Variants in ABCC12 observed in about 807,000 individuals in gnomAD.
ABCC12 encodes ATP-binding cassette sub-family C member 12.
Under a neutral mutation model 151.1 loss-of-function variants are expected in ABCC12, and 142 were observed. The observed-to-expected ratio is 0.94, with a 90% CI of 0.82 to 1.08. The LOEUF (loss-of-function observed/expected upper bound fraction) is 1.08, where lower values mean the gene tolerates loss of function less well. Ranked by LOEUF, ABCC12 falls within the 50% of genes least tolerant of loss-of-function variation. The pLI is 0.00. For synonymous variants in ABCC12, 645 were observed against 646.4 expected (o/e 1.00, Z 0.03); for missense variants, 1,638 against 1,691.1 (o/e 0.97, Z 0.55).
chr16:48,141,430 C>T (rs778490102), intron 4 of ABCC12, 77 bp from the exon 5 acceptor site: 654 of 1,568,988 alleles, frequency 4.2e-4, no homozygotes, highest in Non-Finnish European at 5.3e-4. Context: ...TGGGCATGCT[C>T]TTGCAAGGGT....
At chr16:48,126,211 G>A (rs566970961) in intron 11 of ABCC12, among the ~76,000 whole-genome samples, 5 of 152,260 alleles carry the variant, frequency 3.3e-5, no homozygotes, top group African/African-American at 4.8e-5. Context: ...TAAAGAGACC[G>A]CAGATGTGAT....
chr16:48,096,242 C>T (rs1335720122), intron 24 of ABCC12, among the ~76,000 whole-genome samples: 1 of 152,224 alleles, frequency 6.6e-6, no homozygotes, highest in African/African-American at 2.4e-5. Flanking sequence ...TCACTCCCTC[C>T]ACTGTGGAGT....
rs776700757 is a variant in ABCC12 at position 48,088,753 on chromosome 16, A to G, written c.3286-19T>C. ...CACAGGTCTGTAAAGGAGAATAACC[A>G]ATGACCAGTGACTAGCCATTTGTTT... On this transcript the variant is annotated intron_variant, in intron 25 of 30. Coordinates refer to ENST00000311303, the MANE Select transcript of ABCC12 (RefSeq NM_001393797.1). 6.3e-7 allele frequency: 1 copy of G among 1,589,222 alleles called. No homozygotes were observed. The highest frequency in any genetic ancestry group is 8.6e-7 in the Non-Finnish European group (1 of 1,166,536).
intron 18 of ABCC12, among the ~76,000 whole-genome samples, chr16:48,109,041 C>T (rs896461125): frequency 3.3e-5 from 5 of 152,074 alleles, no homozygotes; most frequent in Admixed American, 6.6e-5. Flanking sequence ...GGGTGAAGGC[C>T]GCTCCCTGGA....
chr16:48,088,039 G>A lies in ABCC12; in HGVS notation c.3522C>T (p.Ala1174=). The change falls in exon 27 of 31, where the codon GCC becomes GCT. Residue 1174 remains alanine, a synonymous_variant. Coordinates refer to ENST00000311303, the MANE Select transcript of ABCC12 (RefSeq NM_001393797.1). ...CCTCATCAATAAAGATTGTGCCACT[G>A]GCTGGCTCCACCAGACGAAACAAAG... ...GMALFRLVEP[A]SGTIFIDEVD... 1.9e-6 allele frequency: 3 copies of A among 1,614,214 alleles called. No homozygotes were observed. The highest frequency in any genetic ancestry group is 2.5e-6 in the Non-Finnish European group (3 of 1,180,038).
At chr16:48,124,124 C>T (rs1258030737) in intron 12 of ABCC12, 89 bp downstream of exon 12, 4 of 1,373,504 alleles carry the variant, frequency 2.9e-6, no homozygotes, top group African/African-American at 1.4e-5. Flanking sequence ...GCAGCCGAGG[C>T]CATCTGCTGG....
chr16:48,139,443 A>T, intron 6 of ABCC12, 107 bp from the exon 7 acceptor site: 1 of 1,257,732 alleles, frequency 8.0e-7, no homozygotes, highest in East Asian at 2.4e-5. Context: ...AAGGAGAAAA[A>T]CTTCTCTAAA....
At chr16:48,139,867 A>G (rs995396282) in intron 6 of ABCC12, among the ~76,000 whole-genome samples, 3 of 152,168 alleles carry the variant, frequency 2.0e-5, no homozygotes, top group African/African-American at 7.2e-5. Context: ...ACCTGTCTGA[A>G]GCGTGGCTGG....
In ABCC12 at chr16:48,138,369, T is replaced by TA; in HGVS notation, c.837dup (p.Met280TyrfsTer25). On this transcript the variant is annotated frameshift_variant, in exon 8 of 31. Coordinates refer to ENST00000311303, the MANE Select transcript of ABCC12 (RefSeq NM_001393797.1). LOFTEE classifies it high-confidence loss of function. ...CGGAAAGCTGAATTGAGCTTGGCCA[T>TA]AAACATCTGAAATCAAGGTACAAAC... 6.2e-7 allele frequency: 1 copy of TA among 1,612,216 alleles called. No individual in the cohort carries two copies. Among genetic ancestry groups the TA allele is most frequent in the Non-Finnish European group, 8.5e-7 (1 of 1,178,580 alleles).
At chr16:48,131,751 C>T (rs1284570179) in intron 9 of ABCC12, among the ~76,000 whole-genome samples, 1 of 152,208 alleles carries the variant, frequency 6.6e-6, no homozygotes, top group Non-Finnish European at 1.5e-5. Context: ...AGTGATCCTG[C>T]CTGCTGTTAA....
chr16:48,136,570 A>G (rs1214989522), intron 8 of ABCC12, among the ~76,000 whole-genome samples: 1 of 152,242 alleles, frequency 6.6e-6, no homozygotes, highest in African/African-American at 2.4e-5. Flanking sequence ...CCAGTGGGAT[A>G]GATAGACAAG....
rs566970228 is a variant in ABCC12, at chr16:48,141,263, G to A, written c.366C>T (p.Arg122=). Residue 122 remains arginine, a synonymous_variant, in exon 5 of 31, where the codon CGC becomes CGT. Coordinates refer to ENST00000311303, the MANE Select transcript of ABCC12 (RefSeq NM_001393797.1). The part of the protein sequence containing the change: ...SHVVWKFQRT[R]VLMDIVANIL... ...TGTTGGCCACGATGTCCATCAACAC[G>A]CGTGTCCTCTGGAATTTCCACACCA... The A allele has an allele frequency of 7.6e-5, 122 of 1,614,200 alleles. No homozygotes were observed. Among genetic ancestry groups the A allele is most frequent in the South Asian group, 4.7e-4 (43 of 91,086 alleles).
At chr16:48,140,151 A>G (rs1167519155) in intron 6 of ABCC12, among the ~76,000 whole-genome samples, 2 of 152,106 alleles carry the variant, frequency 1.3e-5, no homozygotes, top group Non-Finnish European at 2.9e-5. Flanking sequence ...ATCTTACCCC[A>G]CACCACCTGG....
Position 48,105,298 on chromosome 16 carries a change from C to T in ABCC12, c.2514G>A (p.Glu838=). ...CGPQGNRTMC[E]VGAVLADIGQ... ...CGATGTCTGCCAGCACCGCGCCGAC[C>T]TCACACATGGTCCTGTTGCCCTGGG... The change falls in exon 21 of 31, where the codon GAG becomes GAA. Residue 838 remains glutamate, a synonymous_variant. Transcript: ENST00000311303. 1 of 1,613,350 alleles carries T rather than the reference C, an allele frequency of 6.2e-7. No individual in the cohort carries two copies.
chr16:48,110,336 T>C (rs1963642007), intron 18 of ABCC12, among the ~76,000 whole-genome samples: 1 of 151,984 alleles, frequency 6.6e-6, no homozygotes, highest in Admixed American at 6.6e-5. Flanking sequence ...TTCCAAGTGG[T>C]AGGTAAAATG....
chr16:48,155,025 C>T (rs776471627), intron 1 of ABCC12, among the ~76,000 whole-genome samples: 1 of 152,234 alleles, frequency 6.6e-6, no homozygotes, highest in Non-Finnish European at 1.5e-5. Context: ...CTGCCTGCAC[C>T]GCACCTCTCC....
chr16:48,125,062 T>C lies in ABCC12; in HGVS notation c.1516-778A>G, dbSNP rs528305959. 5.3e-5 allele frequency among the ~76,000 whole-genome samples: 8 copies of C among 152,246 alleles called. No homozygotes were observed. The South Asian group carries it at 1.7e-3, about 32-fold the overall frequency. On this transcript the variant is annotated intron_variant, in intron 11 of 30. Transcript: ENST00000311303. Reference sequence around the variant, plus strand: ...GAAAGCCTTACTGGAAAGGTAGATGTCTTAGCTTGAGTTTTCCCAGAAACA... The same window carrying C: ...GAAAGCCTTACTGGAAAGGTAGATGCCTTAGCTTGAGTTTTCCCAGAAACA...
intron 11 of ABCC12, among the ~76,000 whole-genome samples, chr16:48,124,931 C>A (rs1469960878): frequency 6.6e-6 from 1 of 152,090 alleles, no homozygotes; most frequent in African/African-American, 2.4e-5. Context: ...GCAAGACAAG[C>A]AAATGAAATG....
chr16:48,111,779 G>C lies in ABCC12; in HGVS notation c.2121C>G (p.Phe707Leu), dbSNP rs762185830. ...CACCTGCCCAGGTGTGAGTTACCTT[G>C]AACTGCAATCCTCGCAGGTTGTGAA... is the stretch of plus-strand genomic sequence containing the variant. ...KLIHNLRGLQ[F>L]KDPEHLYNAA... The change falls in exon 16 of 31, where the codon TTC becomes TTG. Residue 707 changes from phenylalanine (F) to leucine (L), a missense_variant. Transcript: ENST00000311303. 8 of 1,614,152 alleles carry C rather than the reference G, an allele frequency of 5.0e-6. No homozygotes were observed. The highest frequency in any genetic ancestry group is 6.8e-6 in the Non-Finnish European group (8 of 1,180,010).
Sources: allele counts gnomAD v4.1 joint callset (sites outside exome capture counted in the v4.1 genomes callset), GRCh38; gene constraint gnomAD v4.1.1; transcripts MANE v1.5; gene names NCBI Gene and HGNC (gene_info 2026-07-23, HGNC 2026-07-21).